The following PCDHGA3 variants were observed in gnomAD, a reference collection of about 807,000 sequenced individuals.
PCDHGA3 encodes protocadherin gamma-A3.
In PCDHGA3, 40 loss-of-function variants were observed where a neutral mutation model predicts 58.5. The observed-to-expected ratio is 0.68, with a 90% CI of 0.53 to 0.89. The LOEUF is 0.89. Ranked by LOEUF, PCDHGA3 falls within the 40% of genes least tolerant of loss-of-function variation. PCDHGA3 has a pLI of 0.00. For missense variants in PCDHGA3, 1,223 were observed against 1,195.9 expected (o/e 1.02, Z -0.33); for synonymous variants, 530 against 525.7 (o/e 1.01, Z -0.11).
rs1757939197 is a variant in PCDHGA3 at position 141,347,244 on chromosome 5, C to G, written c.2424+787C>G. 2.6e-5 allele frequency among the ~76,000 whole-genome samples: 4 copies of G among 151,534 alleles called. No homozygotes were observed. In the South Asian group the frequency reaches 8.3e-4, roughly 31 times the overall value. On this transcript the variant is annotated intron_variant, in intron 1 of 3. Transcript: ENST00000253812. Reference sequence around the variant, plus strand: ...TCACGGCTCACTGCAGCCTTGACCTCGCAGACTCAAGTGATCCTCCCACCT... The same window carrying G: ...TCACGGCTCACTGCAGCCTTGACCTGGCAGACTCAAGTGATCCTCCCACCT...
intron 1 of PCDHGA3, chr5:141,362,530 C>G (rs769795967): frequency 6.2e-7 from 1 of 1,613,818 alleles, no homozygotes; most frequent in Non-Finnish European, 8.5e-7. Context: ...CGCTGGGGTC[C>G]CTTTTGCCTC....
chr5:141,413,248 GGGATTCCATGGGA>G (rs1349440144), intron 1 of PCDHGA3: 4 of 1,613,844 alleles, frequency 2.5e-6, no homozygotes, highest in Non-Finnish European at 2.5e-6. Context: ...CCTTTTCTTC[GGGATTCCATGGGA>G]GGCTGGAGCC....
At chr5:141,415,079 C>A (rs1388248799) in intron 1 of PCDHGA3, 1 of 1,613,380 alleles carries the variant, frequency 6.2e-7, no homozygotes, top group Non-Finnish European at 8.5e-7. Context: ...ACGGCGCGAG[C>A]CCTGCTGGAC....
At chr5:141,380,735 C>T (rs973708229) in intron 1 of PCDHGA3, among the ~76,000 whole-genome samples, 1 of 152,066 alleles carries the variant, frequency 6.6e-6, no homozygotes, top group African/African-American at 2.4e-5. Flanking sequence ...TTCCTTTTCT[C>T]CAAAGAAGGT....
intron 1 of PCDHGA3, chr5:141,403,432 G>A: frequency 1.2e-6 from 2 of 1,614,018 alleles, no homozygotes; most frequent in Non-Finnish European, 1.7e-6. Flanking sequence ...CTATTGATCC[G>A]GATGTTGGCG....
chr5:141,481,619 A>T (rs1303171847), intron 1 of PCDHGA3, among the ~76,000 whole-genome samples: 1 of 152,128 alleles, frequency 6.6e-6, no homozygotes, highest in Non-Finnish European at 1.5e-5. Flanking sequence ...GGAGTTCAAG[A>T]CCGGCCTGGC....
At chr5:141,455,860 ATTATTTAT>A (rs145569377) in intron 1 of PCDHGA3, among the ~76,000 whole-genome samples, 26,605 of 139,696 alleles carry the variant, frequency 0.19, 2,610 homozygotes, top group Middle Eastern at 0.23. Context: ...AATTTCTTTT[ATTATTTAT>A]TTATTTATTT....
At chr5:141,368,561 T>G (rs1765726428) in intron 1 of PCDHGA3, among the ~76,000 whole-genome samples, 2 of 152,184 alleles carry the variant, frequency 1.3e-5, no homozygotes, top group Non-Finnish European at 2.9e-5. Context: ...AAGAAAATGT[T>G]ATATGCTTCT....
At chr5:141,372,721 C>CA in intron 1 of PCDHGA3, 1 of 1,613,832 alleles carries the variant, frequency 6.2e-7, no homozygotes, top group Non-Finnish European at 8.5e-7. Flanking sequence ...GAAAATGCTG[C>CA]ACCACAAGAT....
chr5:141,425,127 A>G (rs1353123394), intron 1 of PCDHGA3, among the ~76,000 whole-genome samples: 2 of 152,208 alleles, frequency 1.3e-5, no homozygotes, highest in Non-Finnish European at 2.9e-5. Flanking sequence ...CTTGAAGTCA[A>G]GAAAAATGTT....
intron 1 of PCDHGA3, chr5:141,370,503 A>G (rs748568683): frequency 1.2e-6 from 2 of 1,613,814 alleles, no homozygotes; most frequent in Non-Finnish European, 1.7e-6. Flanking sequence ...CCGCTACGCT[A>G]TTCCCGAGGA....
At chr5:141,356,305 T>G in intron 1 of PCDHGA3, 1 of 1,554,530 alleles carries the variant, frequency 6.4e-7, no homozygotes, top group Non-Finnish European at 8.7e-7. Context: ...AATTGCACTT[T>G]TCAACGTGCA....
Position 141,477,032 on chromosome 5 carries a change from A to G in PCDHGA3, c.2425-17775A>G, listed in dbSNP as rs1026169829. 2 of 1,614,134 alleles carry G rather than the reference A, an allele frequency of 1.2e-6. No homozygotes were observed. Among genetic ancestry groups the G allele is most frequent in the Non-Finnish European group, 1.7e-6 (2 of 1,180,044 alleles). ...AGACCTTGTAACCGGGATGCTGACA[A>G]TCAAGGGTCGGCTGGACTTCGAGGA... On this transcript the variant is annotated intron_variant, in intron 1 of 3. Transcript: ENST00000253812. This position sits in a 1 kb window ranked among gnomAD's most constrained non-coding sequence, Gnocchi z 4.9.
intron 1 of PCDHGA3, chr5:141,379,443 G>A (rs995348151): frequency 2.6e-5 from 4 of 152,168 alleles, no homozygotes; most frequent in African/African-American, 9.7e-5. Flanking sequence ...TTATACATAT[G>A]ATTATTTCAT....
At chr5:141,373,335 A>G (rs1769489383) in intron 1 of PCDHGA3, among the ~76,000 whole-genome samples, 1 of 152,236 alleles carries the variant, frequency 6.6e-6, no homozygotes, top group Admixed American at 6.5e-5. Flanking sequence ...GGCATCTAAA[A>G]TGGCAACTCT....
At chr5:141,366,209 C>A (rs371864119) in intron 1 of PCDHGA3, 11 of 1,613,698 alleles carry the variant, frequency 6.8e-6, no homozygotes, top group African/African-American at 1.3e-5. Flanking sequence ...GGGCGAGGTG[C>A]GCACAGCGCG....
chr5:141,414,161 G>A (rs960511656), intron 1 of PCDHGA3: 1 of 1,603,276 alleles, frequency 6.2e-7, no homozygotes, highest in Non-Finnish European at 8.5e-7. Flanking sequence ...GAAGATGGAG[G>A]AGCATATCTT....
At position 141,486,765 on chromosome 5, in the gene PCDHGA3, T is replaced by C; in HGVS notation, c.2425-8042T>C. On this transcript the variant is annotated intron_variant, in intron 1 of 3. Transcript: ENST00000253812. This position sits in a 1 kb window ranked among gnomAD's most constrained non-coding sequence, Gnocchi z 5.0. ...TTTGACTATGAGCAAACCCAGACACTGCAGTTTGAGGTGCAGGCCCGGGAT... is the reference window on the plus strand; with the variant it reads ...TTTGACTATGAGCAAACCCAGACACCGCAGTTTGAGGTGCAGGCCCGGGAT... 4 of 1,614,230 alleles carry C rather than the reference T, an allele frequency of 2.5e-6. No individual in the cohort carries two copies. Among genetic ancestry groups the C allele is most frequent in the Non-Finnish European group, 3.4e-6 (4 of 1,180,038 alleles).
intron 1 of PCDHGA3, chr5:141,421,975 G>T: frequency 6.2e-7 from 1 of 1,610,052 alleles, no homozygotes; most frequent in African/African-American, 1.3e-5. Context: ...CGTATATCGC[G>T]TGAGTGTTCC....
Sources: gnomAD v4.1 joint callset for allele counts (sites outside exome capture counted in the v4.1 genomes callset) on GRCh38, gnomAD v4.1.1 for gene constraint, Gnocchi (gnomAD v3.1) non-coding constraint, MANE v1.5 for transcripts, NCBI Gene and HGNC (gene_info 2026-07-23, HGNC 2026-07-21) for gene names.